ZNF324B: variants seen among roughly 807,000 people sequenced by gnomAD.
The protein encoded by ZNF324B is zinc finger protein 324B.
In ZNF324B, 7 loss-of-function variants were observed where a neutral mutation model predicts 10.6. The ratio of observed to expected loss-of-function variants is 0.66; its 90% CI spans 0.38 to 1.24. The LOEUF (loss-of-function observed/expected upper bound fraction) is 1.24, where lower values mean the gene tolerates loss of function less well. Among genes scored for constraint, ZNF324B ranks in the 50% most tolerant of loss-of-function variants. ZNF324B has a pLI of 0.02. For missense variants in ZNF324B, 640 were observed against 764.7 expected, an observed-to-expected ratio of 0.84 and a Z score of 1.92; for synonymous variants, 316 against 321.0, an observed-to-expected ratio of 0.98 and a Z score of 0.17.
At chr19:58,434,296 G>C in the ZNF324B span, 7 of 1,613,708 alleles carry the variant, frequency 4.3e-6, no homozygotes, top group Admixed American at 6.7e-5. Context: ...TTGGCTGAAG[G>C]CTCTTCCACA....
chr19:58,435,503 T>A, the ZNF324B span: 1 of 282,648 alleles, frequency 3.5e-6, no homozygotes. Flanking sequence ...CCAATAAGCA[T>A]ATGAAAAGAA....
upstream of ZNF324B, among the ~76,000 whole-genome samples, chr19:58,450,851 TTTG>T (rs1374316982): frequency 2.0e-5 from 3 of 152,272 alleles, no homozygotes; most frequent in South Asian, 2.1e-4. Context: ...TGCCCTGCCT[TTTG>T]TTGTTATGTG....
upstream of ZNF324B, among the ~76,000 whole-genome samples, chr19:58,448,534 C>T (rs1336031601): frequency 1.3e-5 from 2 of 152,040 alleles, no homozygotes; most frequent in Non-Finnish European, 2.9e-5. Context: ...ACCATCCTGG[C>T]TAACATGGTG....
the ZNF324B span, chr19:58,434,028 G>A: frequency 1.2e-5 from 20 of 1,613,828 alleles, no homozygotes; most frequent in Non-Finnish European, 1.7e-5. Flanking sequence ...GAAGGAGATG[G>A]GAGCTTTGGC....
At chr19:58,435,169 T>C in the ZNF324B span, 36 of 1,614,122 alleles carry the variant, frequency 2.2e-5, no homozygotes, top group East Asian at 2.7e-4. Context: ...AGAAACATTC[T>C]GCTTGGGATG....
the ZNF324B span, chr19:58,433,436 G>C: frequency 6.2e-7 from 1 of 1,614,192 alleles, no homozygotes; most frequent in Non-Finnish European, 8.5e-7. Context: ...TGCCGAACAA[G>C]TGTAGATCTT....
the ZNF324B span, chr19:58,439,729 G>A: frequency 0.2 from 298,041 of 1,492,720 alleles, 31,228 homozygotes; most frequent in Non-Finnish European, 0.21. Context: ...GAATCCCAGC[G>A]GGTGAGGGCC....
chr19:58,423,189 T>C, the ZNF324B span, among the ~76,000 whole-genome samples: 1 of 150,808 alleles, frequency 6.6e-6, no homozygotes, highest in African/African-American at 2.4e-5. Flanking sequence ...AGACGGAGTC[T>C]TGCTCTGTCG....
At chr19:58,431,884 C>T in the ZNF324B span, among the ~76,000 whole-genome samples, 1,606 of 151,984 alleles carry the variant, frequency 0.011, 24 homozygotes, top group African/African-American at 0.036. Context: ...TCCAGCTACT[C>T]GGGAGGCTGA....
In ZNF324B at chr19:58,456,332, C is replaced by A; in HGVS notation, c.1388C>A (p.Ala463Asp). 1 of 1,612,576 alleles carries A rather than the reference C, an allele frequency of 6.2e-7. No homozygotes were observed. Among genetic ancestry groups the A allele is most frequent in the Middle Eastern group, 1.7e-4 (1 of 6,060 alleles). ...FRCVDCGKGF[A>D]KGAVLLSHRR... ...TGCGTGGACTGTGGCAAGGGTTTCG[C>A]CAAGGGCGCCGTGCTGCTCAGCCAC... The change falls in exon 4 of 4, where the codon GCC becomes GAC. Residue 463 changes from alanine to aspartate, a missense_variant. Ala to Asp is a moderately radical substitution (Grantham distance 126, BLOSUM62 -2). Around this residue, in one of 3 missense-constraint regions of ZNF324B, gnomAD observed 238 missense variants for 258.0 expected, o/e 0.92. Coordinates refer to ENST00000336614, the MANE Select transcript of ZNF324B (RefSeq NM_207395.3). This position sits in a 1 kb window ranked among gnomAD's most constrained non-coding sequence, Gnocchi z 4.7.
chr19:58,453,284 A>G (rs2052880181), intron 1 of ZNF324B: 2 of 249,578 alleles, frequency 8.0e-6, no homozygotes, highest in Non-Finnish European at 1.6e-5. Flanking sequence ...CAGCAGGGGA[A>G]GGTCTCAGTG....
the ZNF324B span, among the ~76,000 whole-genome samples, chr19:58,423,576 A>T: frequency 6.6e-6 from 1 of 152,240 alleles, no homozygotes; most frequent in Non-Finnish European, 1.5e-5. Context: ...AAGTTCTCAG[A>T]GCTTTGTAGA....
the ZNF324B span, chr19:58,440,266 C>A: frequency 3.8e-5 from 8 of 211,724 alleles, no homozygotes; most frequent in Non-Finnish European, 6.8e-5. Context: ...ATGCCCGTCA[C>A]GCTACTGCTA....
chr19:58,423,727 C>T, the ZNF324B span, among the ~76,000 whole-genome samples: 1 of 151,964 alleles, frequency 6.6e-6, no homozygotes, highest in African/African-American at 2.4e-5. Context: ...TCACATAGAC[C>T]ACGGAAACAT....
At chr19:58,421,726 C>T in the ZNF324B span, among the ~76,000 whole-genome samples, 2 of 152,040 alleles carry the variant, frequency 1.3e-5, no homozygotes, top group Non-Finnish European at 2.9e-5. Context: ...TTATGAAATA[C>T]TTAGAAATAA....
chr19:58,437,994 G>A, the ZNF324B span, among the ~76,000 whole-genome samples: 1 of 152,094 alleles, frequency 6.6e-6, no homozygotes, highest in African/African-American at 2.4e-5. Flanking sequence ...CCCCACCTTG[G>A]CTTGGGGACT....
the ZNF324B span, among the ~76,000 whole-genome samples, chr19:58,427,378 CTTTCTTT>C: frequency 2.3e-3 from 102 of 44,464 alleles, no homozygotes; most frequent in African/African-American, 2.9e-3. Flanking sequence ...TTCTTTCTTT[CTTTCTTT>C]CTTTCTTTCT....
the ZNF324B span, chr19:58,439,791 C>A: frequency 6.5e-7 from 1 of 1,547,048 alleles, no homozygotes. Flanking sequence ...GCTGGCAACC[C>A]CATTAGAACC....
the ZNF324B span, chr19:58,429,161 G>C: frequency 6.6e-6 from 1 of 152,238 alleles, no homozygotes; most frequent in East Asian, 1.9e-4. Flanking sequence ...GGCTGTTTGA[G>C]ACACTCAGTG....
Sources: allele counts gnomAD v4.1 joint callset (sites outside exome capture counted in the v4.1 genomes callset), GRCh38; gene constraint gnomAD v4.1.1; regional missense constraint gnomAD v4.1.1; non-coding constraint Gnocchi (gnomAD v3.1); transcripts MANE v1.5; gene names NCBI Gene and HGNC (gene_info 2026-07-23, HGNC 2026-07-21).